The following PKD2L1 variants were observed in gnomAD, a reference collection of about 807,000 sequenced individuals.
PKD2L1 encodes the protein polycystin-2-like protein 1.
A neutral mutation model predicts 93.0 loss-of-function variants in PKD2L1; 77 were observed. The observed-to-expected ratio is 0.83, with a 90% CI of 0.69 to 1.00. PKD2L1 has a LOEUF of 1.00. Ranked by LOEUF, PKD2L1 falls within the 50% of genes least tolerant of loss-of-function variation. The pLI is 0.00. For synonymous variants in PKD2L1, 390 were observed against 388.0 expected, an observed-to-expected ratio of 1.01 and a Z score of -0.06; for missense variants, 977 against 990.9, an observed-to-expected ratio of 0.99 and a Z score of 0.19.
chr10:100,291,275 C>T, intron 12 of PKD2L1, 26 bp downstream of exon 12: 1 of 1,608,144 alleles, frequency 6.2e-7, no homozygotes, highest in Non-Finnish European at 8.5e-7. Context: ...CCTTACACTG[C>T]CTCTCCACCC....
intron 2 of PKD2L1, among the ~76,000 whole-genome samples, chr10:100,323,488 C>T (rs1276899452): frequency 2.0e-5 from 3 of 152,096 alleles, no homozygotes; most frequent in African/African-American, 4.8e-5. Context: ...AGGCTGGTCT[C>T]GAACTCCTGA....
chr10:100,330,007 C>A lies in PKD2L1; in HGVS notation c.97G>T (p.Gly33Trp). ...GAGATGGTGCAGACTCTCAGCGTCCCGTGTGGGGAAGGGGGACCACTGTAG... is the reference window on the plus strand; with the variant it reads ...GAGATGGTGCAGACTCTCAGCGTCCAGTGTGGGGAAGGGGGACCACTGTAG... The part of the protein sequence containing the change: ...PAYSGPPSPH[G>W]TLRVCTISST... The change falls in exon 1 of 16, where the codon GGG (glycine) becomes TGG (tryptophan). Residue 33 changes from glycine to tryptophan, a missense_variant. Gly to Trp is a radical substitution (Grantham distance 184). Coordinates refer to ENST00000318222, the MANE Select transcript of PKD2L1 (RefSeq NM_016112.3). 1 of 1,613,786 alleles carries A rather than the reference C, an allele frequency of 6.2e-7. No homozygotes were observed. Among genetic ancestry groups the A allele is most frequent in the Non-Finnish European group, 8.5e-7 (1 of 1,179,782 alleles).
At chr10:100,290,598 T>G in intron 12 of PKD2L1, 79 bp from the exon 13 acceptor site, 2 of 861,656 alleles carry the variant, frequency 2.3e-6, no homozygotes, top group Non-Finnish European at 3.8e-6. Context: ...CCTACTCTAC[T>G]GGGATCTCAG....
At position 100,293,051 on chromosome 10, in the gene PKD2L1, G is replaced by T. The variant is rs1449461956; in HGVS notation, c.1777C>A (p.Leu593Ile). 10 of 1,614,112 alleles carry T rather than the reference G, an allele frequency of 6.2e-6. No homozygotes were observed. The South Asian group carries it at 8.8e-5, about 14-fold the overall frequency. Residue 593 changes from leucine (L) to isoleucine (I), a missense_variant, in exon 11 of 16, where the codon CTA (leucine) becomes ATA (isoleucine). Physicochemically the swap from Leu to Ile is conservative, Grantham distance 5. Coordinates refer to ENST00000318222, the MANE Select transcript of PKD2L1 (RefSeq NM_016112.3). ...LLKQGYNKTL[L>I]RLRLRKERVS... is the part of the protein sequence containing the mutation. ...CTCTCCTTCCTCAGACGCAGTCTTAGTAGGGTCTTGTTGTAGCCCTGAAAG... is the reference window on the plus strand; with the variant it reads ...CTCTCCTTCCTCAGACGCAGTCTTATTAGGGTCTTGTTGTAGCCCTGAAAG...
chr10:100,297,407 T>A lies in PKD2L1; in HGVS notation c.931A>T (p.Asn311Tyr). Residue 311 changes from asparagine (N) to tyrosine (Y), a missense_variant, in exon 5 of 16, where the codon AAT becomes TAT. Asn to Tyr is a moderately radical substitution (Grantham distance 143, BLOSUM62 -2). Coordinates refer to ENST00000318222, the MANE Select transcript of PKD2L1 (RefSeq NM_016112.3). ...CTCAGGACACAGAAAAGATTGATATTGGCATTGTAGACTGAGAAGTCGATG... is the reference window on the plus strand; with the variant it reads ...CTCAGGACACAGAAAAGATTGATATAGGCATTGTAGACTGAGAAGTCGATG... ...VFIDFSVYNA[N>Y]INLFCVLRLV... The A allele has an allele frequency of 1.2e-6, 2 of 1,613,860 alleles. No individual in the cohort carries two copies. Among genetic ancestry groups the A allele is most frequent in the Non-Finnish European group, 1.7e-6 (2 of 1,179,824 alleles).
chr10:100,319,484 C>T (rs1388220396), intron 2 of PKD2L1, among the ~76,000 whole-genome samples: 2 of 152,318 alleles, frequency 1.3e-5, no homozygotes, highest in Non-Finnish European at 2.9e-5. Flanking sequence ...ATCATTACAG[C>T]CACACAGGAA....
At chr10:100,320,193 T>C (rs985074202) in intron 2 of PKD2L1, among the ~76,000 whole-genome samples, 13 of 152,240 alleles carry the variant, frequency 8.5e-5, no homozygotes, top group African/African-American at 3.1e-4. Flanking sequence ...ATTACAGGAT[T>C]GTCGTCAGGA....
Position 100,329,200 on chromosome 10 carries a change from A to G in PKD2L1, c.349+11T>C. On this transcript the variant is annotated intron_variant, in intron 2 of 15. Transcript: ENST00000318222. ...CACAGACAGATGTACACAAACACAG[A>G]TGCTACTCACGTAGACAGATGTCCA... 6.2e-7 allele frequency: 1 copy of G among 1,613,506 alleles called. No individual in the cohort carries two copies. Among genetic ancestry groups the G allele is most frequent in the Non-Finnish European group, 8.5e-7 (1 of 1,179,422 alleles).
In PKD2L1 at chr10:100,329,996, T is replaced by C; in HGVS notation, c.108A>G (p.Arg36=). 6.2e-7 allele frequency: 1 copy of C among 1,613,914 alleles called. No homozygotes were observed. The highest frequency in any genetic ancestry group is 1.1e-5 in the South Asian group (1 of 91,084). The change falls in exon 1 of 16, where the codon AGA becomes AGG. Residue 36 remains arginine, a synonymous_variant. Transcript: ENST00000318222. ...GCCCCGTGCTGGAGATGGTGCAGAC[T>C]CTCAGCGTCCCGTGTGGGGAAGGGG... ...SGPPSPHGTL[R]VCTISSTGPL... is the part of the protein sequence containing the mutation.
Position 100,288,342 on chromosome 10 carries a change from G to A in PKD2L1, c.*54C>T, listed in dbSNP as rs1301580609. The A allele has an allele frequency of 7.0e-6, 8 of 1,147,892 alleles. No homozygotes were observed. Among genetic ancestry groups the A allele is most frequent in the Non-Finnish European group, 1.1e-5 (8 of 755,538 alleles). The allele number at this position is 1,147,892 out of a possible 1,614,324, so 71.1% of individuals were successfully genotyped here. The stretch of plus-strand genomic sequence containing the variant: ...AGTTTCCAGGTTCAGTGGACCAGGA[G>A]GCAGCCTCTTGCAGAAGATCCTTCA... On this transcript the variant is annotated 3_prime_UTR_variant, in exon 16 of 16. Coordinates refer to ENST00000318222, the MANE Select transcript of PKD2L1 (RefSeq NM_016112.3).
intron 2 of PKD2L1, among the ~76,000 whole-genome samples, chr10:100,323,606 T>G (rs1041024192): frequency 2.6e-5 from 4 of 152,106 alleles, no homozygotes; most frequent in African/African-American, 9.7e-5. Flanking sequence ...TAATGTTTCT[T>G]CAGATGTATA....
chr10:100,329,194 A>G lies in PKD2L1; in HGVS notation c.349+17T>C, dbSNP rs370368708. On this transcript the variant is annotated intron_variant, in intron 2 of 15. Coordinates refer to ENST00000318222, the MANE Select transcript of PKD2L1 (RefSeq NM_016112.3). Reference sequence around the variant, plus strand: ...GTTTCTCACAGACAGATGTACACAAACACAGATGCTACTCACGTAGACAGA... The same window carrying G: ...GTTTCTCACAGACAGATGTACACAAGCACAGATGCTACTCACGTAGACAGA... 1.9e-6 allele frequency: 3 copies of G among 1,613,110 alleles called. No homozygotes were observed. The highest frequency in any genetic ancestry group is 2.7e-5 in the African/African-American group (2 of 74,930).
intron 2 of PKD2L1, among the ~76,000 whole-genome samples, chr10:100,325,965 C>T (rs973963546): frequency 3.9e-5 from 6 of 152,178 alleles, no homozygotes; most frequent in Admixed American, 2.0e-4. Context: ...GACCTTGAAC[C>T]CACATAGTCG....
intron 2 of PKD2L1, among the ~76,000 whole-genome samples, chr10:100,327,512 TG>T (rs1398146995): frequency 6.6e-6 from 1 of 152,076 alleles, no homozygotes; most frequent in African/African-American, 2.4e-5. Context: ...GAGTTAGAAA[TG>T]GTTCACTGTA....
intron 2 of PKD2L1, among the ~76,000 whole-genome samples, chr10:100,318,521 CTTTT>C (rs535608372): frequency 1.4e-5 from 2 of 139,686 alleles, no homozygotes; most frequent in Admixed American, 7.2e-5. Context: ...TTTTTCTTTT[CTTTT>C]TTTTTTTTTT....
At chr10:100,290,741 G>A (rs986870532) in intron 12 of PKD2L1, among the ~76,000 whole-genome samples, 1 of 152,182 alleles carries the variant, frequency 6.6e-6, no homozygotes, top group African/African-American at 2.4e-5. Context: ...ATCCTAGAAG[G>A]CTTGATGGAT....
intron 2 of PKD2L1, among the ~76,000 whole-genome samples, chr10:100,312,980 C>T (rs560883163): frequency 3.3e-5 from 5 of 151,972 alleles, no homozygotes; most frequent in Admixed American, 1.3e-4. Flanking sequence ...ATGGTCTCTG[C>T]GAAGGAGGGC....
At position 100,321,776 on chromosome 10, in the gene PKD2L1, G is replaced by A; in HGVS notation, c.349+7435C>T. Among the ~76,000 whole-genome samples, 9 of 4,400 alleles carry A rather than the reference G, an allele frequency of 2.0e-3. 4 individuals are homozygous for A. The highest frequency in any genetic ancestry group is 9.4e-3 in the African/African-American group (9 of 958). 2.9% of individuals were successfully genotyped at this position (4,400 alleles called of 152,430 possible). A position where few individuals can be genotyped will look rare whatever the true frequency, so the allele number is the denominator to read the frequency against. On this transcript the variant is annotated intron_variant, in intron 2 of 15. Coordinates refer to ENST00000318222, the MANE Select transcript of PKD2L1 (RefSeq NM_016112.3). ...GAAAGAAGGGAGGGAGGGAGGGAGG[G>A]AGGGAGGGAGGGAGGGAGGGAGGGA... is the stretch of plus-strand genomic sequence containing the variant.
intron 13 of PKD2L1, 124 bp from the exon 14 acceptor site, chr10:100,290,262 T>G: frequency 7.2e-7 from 1 of 1,380,308 alleles, no homozygotes; most frequent in Admixed American, 1.8e-5. Flanking sequence ...AGACCCAGCC[T>G]TGTAGGCAGA....
Sources: gnomAD v4.1 joint callset for allele counts (sites outside exome capture counted in the v4.1 genomes callset) on GRCh38, gnomAD v4.1.1 for gene constraint, MANE v1.5 for transcripts, NCBI Gene and HGNC (gene_info 2026-07-23, HGNC 2026-07-21) for gene names.